USH2A: variants seen among roughly 807,000 people sequenced by gnomAD.
USH2A encodes usherin.
USH2A carries 443 observed loss-of-function variants against 538.9 expected under a neutral mutation model. The ratio of observed to expected loss-of-function variants is 0.82; its 90% CI spans 0.76 to 0.89. USH2A has a LOEUF of 0.89. Among genes scored for constraint, USH2A ranks in the 40% least tolerant of loss-of-function variants. USH2A has a pLI of 0.00. For missense variants in USH2A, 6,633 were observed against 6,324.8 expected (o/e 1.05, Z -1.65); for synonymous variants, 2,413 against 2,273.5 (o/e 1.06, Z -1.75).
chr1:215,741,526 C>G lies in USH2A; in HGVS notation c.11560G>C (p.Val3854Leu). Residue 3854 changes from valine to leucine, a missense_variant, in exon 60 of 72, where the codon GTT becomes CTT. Physicochemically the swap from Val to Leu is conservative, Grantham distance 32. Coordinates refer to ENST00000307340, the MANE Select transcript of USH2A (RefSeq NM_206933.4). Reference sequence around the variant, plus strand: ...GTTTTGACAAACATCCTACTGCTAACTCCACAACTTCCTTGAAAAAAAAAA... The same window carrying G: ...GTTTTGACAAACATCCTACTGCTAAGTCCACAACTTCCTTGAAAAAAAAAA... ...IQACQNGSCG[V>L]SSRMFVKTPE... 1 of 1,611,270 alleles carries G rather than the reference C, an allele frequency of 6.2e-7. No homozygotes were observed. Among genetic ancestry groups the G allele is most frequent in the South Asian group, 1.1e-5 (1 of 90,240 alleles).
chr1:216,423,044 A>G (rs2039705683), intron 1 of USH2A, among the ~76,000 whole-genome samples, 170 bp downstream of exon 1: 1 of 152,126 alleles, frequency 6.6e-6, no homozygotes, highest in South Asian at 2.1e-4. Context: ...ATGTGCAGCA[A>G]CTTTAAGCTC....
chr1:216,280,229 C>A (rs1477729147), intron 11 of USH2A, among the ~76,000 whole-genome samples: 1 of 151,828 alleles, frequency 6.6e-6, no homozygotes, highest in African/African-American at 2.4e-5. Context: ...GAAGGAAGTG[C>A]AGTGGTATCC....
At chr1:215,763,965 A>C (rs1661057647) in intron 56 of USH2A, among the ~76,000 whole-genome samples, 1 of 152,192 alleles carries the variant, frequency 6.6e-6, no homozygotes, top group Admixed American at 6.5e-5. Flanking sequence ...CTTTGGGCTT[A>C]GGTGATAGGT....
intron 21 of USH2A, among the ~76,000 whole-genome samples, chr1:216,155,977 G>C (rs2033929103): frequency 6.6e-6 from 1 of 152,056 alleles, no homozygotes; most frequent in Admixed American, 6.5e-5. Flanking sequence ...GAAAATATCA[G>C]CATGCCCTTC....
intron 38 of USH2A, among the ~76,000 whole-genome samples, chr1:215,922,387 G>A (rs190701955): frequency 3.3e-5 from 5 of 152,220 alleles, no homozygotes; most frequent in South Asian, 2.1e-4. Context: ...GGAAGACTGT[G>A]AGCAACACGA....
At chr1:216,152,388 T>C (rs2033854838) in intron 21 of USH2A, among the ~76,000 whole-genome samples, 1 of 151,800 alleles carries the variant, frequency 6.6e-6, no homozygotes, top group South Asian at 2.1e-4. Flanking sequence ...ACTTATGACA[T>C]TACCTTGTGA....
intron 4 of USH2A, among the ~76,000 whole-genome samples, chr1:216,357,052 A>G (rs1302776822): frequency 6.6e-6 from 1 of 152,108 alleles, no homozygotes; most frequent in Non-Finnish European, 1.5e-5. Context: ...CGTGCTAATA[A>G]AGGTCCTTAA....
intron 62 of USH2A, among the ~76,000 whole-genome samples, chr1:215,676,859 C>T (rs1658048449): frequency 6.6e-6 from 1 of 152,188 alleles, no homozygotes; most frequent in African/African-American, 2.4e-5. Flanking sequence ...TCCCTCTATA[C>T]TCAAGCTCTG....
intron 11 of USH2A, among the ~76,000 whole-genome samples, chr1:216,285,076 G>A (rs1314145444): frequency 6.6e-6 from 1 of 152,196 alleles, no homozygotes; most frequent in African/African-American, 2.4e-5. Flanking sequence ...CACATTTTCC[G>A]GAGAGAAATT....
At chr1:216,002,664 A>G (rs1444222029) in intron 32 of USH2A, among the ~76,000 whole-genome samples, 1 of 152,134 alleles carries the variant, frequency 6.6e-6, no homozygotes, top group Non-Finnish European at 1.5e-5. Context: ...ATTGGATGCT[A>G]CAAAATTCTT....
At chr1:215,688,500 T>G (rs1658503552) in intron 61 of USH2A, among the ~76,000 whole-genome samples, 1 of 152,130 alleles carries the variant, frequency 6.6e-6, no homozygotes, top group African/African-American at 2.4e-5. Context: ...ATTTGTCTAC[T>G]CGGGCTGCTA....
chr1:216,035,921 T>C lies in USH2A; in HGVS notation c.6325+10510A>G, dbSNP rs117079770. 3.3e-4 allele frequency among the ~76,000 whole-genome samples: 50 copies of C among 152,268 alleles called. 1 individual carries two copies. In the East Asian group the frequency reaches 9.3e-3, roughly 28 times the overall value. ...TGTAACCAATGCACTTACATTCTTA[T>C]TTTTAATCAAGATTTACTCCTTTGA... On this transcript the variant is annotated intron_variant, in intron 32 of 71. Transcript: ENST00000307340.
intron 13 of USH2A, among the ~76,000 whole-genome samples, chr1:216,238,222 G>A (rs1251344392): frequency 6.6e-6 from 1 of 152,200 alleles, no homozygotes; most frequent in Admixed American, 6.5e-5. Flanking sequence ...GTCATAGGAA[G>A]CTGTTTTCAT....
At chr1:216,231,199 A>G (rs1255077467) in intron 14 of USH2A, among the ~76,000 whole-genome samples, 2 of 107,350 alleles carry the variant, frequency 1.9e-5, no homozygotes, top group Non-Finnish European at 3.9e-5. Context: ...AATAAATTCA[A>G]GGGCAATGAA....
chr1:216,061,887 A>C (rs1348123032), intron 30 of USH2A, among the ~76,000 whole-genome samples: 1 of 152,192 alleles, frequency 6.6e-6, no homozygotes, highest in African/African-American at 2.4e-5. Flanking sequence ...AAAGAAGCTG[A>C]AACTGTAGGG....
rs1222011734 is a variant in USH2A at position 215,627,437 on chromosome 1, C to CTTCTTTCCTTCCTTCT, written c.15519+1376_15519+1377insAGAAGGAAGGAAAGAA. Among the ~76,000 whole-genome samples the CTTCTTTCCTTCCTTCT allele has an allele frequency of 1.5e-3, 75 of 50,728 alleles. 2 individuals carry two copies. The highest frequency in any genetic ancestry group is 3.4e-3 in the African/African-American group (52 of 15,288). The allele number at this position is 50,728 out of a possible 152,430, so 33.3% of individuals were successfully genotyped here. On this transcript the variant is annotated intron_variant, in intron 71 of 71. Transcript: ENST00000307340. ...CCTTCCTTCCTTCCTTCCTTCCTTC[C>CTTCTTTCCTTCCTTCT]TTCCTTCCTTCCTTCCTTCCTTCCT... is the stretch of plus-strand genomic sequence containing the variant.
At chr1:216,057,714 C>T (rs545015986) in intron 30 of USH2A, among the ~76,000 whole-genome samples, 1 of 151,926 alleles carries the variant, frequency 6.6e-6, no homozygotes, top group African/African-American at 2.4e-5. Flanking sequence ...TCGTAATAAA[C>T]TACAAATATT....
chr1:216,379,858 T>G (rs2038898993), intron 3 of USH2A, among the ~76,000 whole-genome samples: 1 of 152,146 alleles, frequency 6.6e-6, no homozygotes, highest in Non-Finnish European at 1.5e-5. Flanking sequence ...TAAGCAGAGT[T>G]TAGTTGGAAT....
chr1:216,099,670 T>C lies in USH2A; in HGVS notation c.4628-2457A>G, dbSNP rs192050105. Among the ~76,000 whole-genome samples, 150 of 152,270 alleles carry C rather than the reference T, an allele frequency of 9.9e-4. 1 individual carries two copies. Among genetic ancestry groups the C allele is most frequent in the Non-Finnish European group, 1.8e-3 (122 of 68,014 alleles). On this transcript the variant is annotated intron_variant, in intron 21 of 71. Coordinates refer to ENST00000307340, the MANE Select transcript of USH2A (RefSeq NM_206933.4). ...TAATTGAAAGGATAAACTCTATACA[T>C]ACCAGGAAAGGCACATTAAGACATA...
Sources: allele counts gnomAD v4.1 joint callset (sites outside exome capture counted in the v4.1 genomes callset), GRCh38; gene constraint gnomAD v4.1.1; transcripts MANE v1.5; gene names NCBI Gene and HGNC (gene_info 2026-07-23, HGNC 2026-07-21).